The following BCAR3 variants were observed in gnomAD, a reference collection of about 807,000 sequenced individuals.
The protein encoded by BCAR3 is breast cancer anti-estrogen resistance protein 3.
A neutral mutation model predicts 80.1 loss-of-function variants in BCAR3; 37 were observed. That is an observed-to-expected ratio of 0.46 (90% CI 0.36 to 0.61). BCAR3 has a LOEUF of 0.61. Ranked by LOEUF, BCAR3 falls within the 20% of genes least tolerant of loss-of-function variation. The pLI is 0.00. For missense variants in BCAR3, 978 were observed against 1,068.2 expected (o/e 0.92, Z 1.18); for synonymous variants, 389 against 418.9 (o/e 0.93, Z 0.87).
intron 2 of BCAR3, among the ~76,000 whole-genome samples, chr1:93,745,579 A>G (rs1396432343): frequency 1.3e-5 from 2 of 152,200 alleles, no homozygotes; most frequent in African/African-American, 2.4e-5. Context: ...TAAACATTCC[A>G]TAGCCTCTTG....
chr1:93,711,602 G>A lies in BCAR3; in HGVS notation c.-62-5460C>T, dbSNP rs372366035. On this transcript the variant is annotated intron_variant, in intron 2 of 13. Transcript: ENST00000370244. ...AGACTCAACTTTAATGGAAGAAGCC[G>A]CAAAGGGGTGTGGATATAGGAAAAG... Among the ~76,000 whole-genome samples, 337 of 152,278 alleles carry A rather than the reference G, an allele frequency of 2.2e-3. 2 individuals carry two copies. Among genetic ancestry groups the A allele is most frequent in the African/African-American group, 7.7e-3 (318 of 41,544 alleles).
chr1:93,582,892 C>G lies in BCAR3; in HGVS notation c.1095G>C (p.Val365=). Residue 365 remains valine, a synonymous_variant, in exon 7 of 12, where the codon GTG becomes GTC. Coordinates refer to ENST00000260502, the MANE Select transcript of BCAR3 (RefSeq NM_003567.4). ...GGGCAGGCTCGCTTCCCGTCCTGAACACAGGTGAGTTTGGGCAGGGGCTTG... is the reference window on the plus strand; with the variant it reads ...GGGCAGGCTCGCTTCCCGTCCTGAAGACAGGTGAGTTTGGGCAGGGGCTTG... The part of the protein sequence containing the change: ...VDTSPCPNSP[V]FRTGSEPALS... 6.2e-7 allele frequency: 1 copy of G among 1,608,732 alleles called. No homozygotes were observed. The highest frequency in any genetic ancestry group is 2.2e-5 in the East Asian group (1 of 44,864).
At chr1:93,684,726 T>TTTTGCTTTTTG (rs1220659435), upstream of BCAR3, among the ~76,000 whole-genome samples, 1 of 150,406 alleles carries the variant, frequency 6.6e-6, no homozygotes, top group African/African-American at 2.4e-5. Context: ...ATCAGGTGTT[T>TTTTGCTTTTTG]TTTGTTTTTT....
At chr1:93,806,046 T>TA (rs1188940080) in intron 2 of BCAR3, among the ~76,000 whole-genome samples, 1 of 152,010 alleles carries the variant, frequency 6.6e-6, no homozygotes, top group Non-Finnish European at 1.5e-5. Context: ...AAATATGATT[T>TA]AAAAAAAGAT....
At chr1:93,596,379 T>C (rs1674420343) in intron 3 of BCAR3, among the ~76,000 whole-genome samples, 1 of 152,220 alleles carries the variant, frequency 6.6e-6, no homozygotes, top group Admixed American at 6.5e-5. Context: ...CCCATAGCCT[T>C]TTCTCCTAGC....
intron 3 of BCAR3, among the ~76,000 whole-genome samples, chr1:93,633,325 T>C (rs866349070): frequency 6.6e-5 from 10 of 152,306 alleles, no homozygotes; most frequent in Non-Finnish European, 1.2e-4. Context: ...CCCTAATAAC[T>C]GGGTCTTAAT....
At chr1:93,847,995 C>T (rs1655294997), upstream of BCAR3, 1 of 180,538 alleles carries the variant, frequency 5.5e-6, no homozygotes, top group Non-Finnish European at 1.2e-5. Context: ...GCCCGGGTCT[C>T]GGGTGACACC....
At chr1:93,766,047 T>C (rs1221224382) in intron 2 of BCAR3, among the ~76,000 whole-genome samples, 1 of 152,172 alleles carries the variant, frequency 6.6e-6, no homozygotes, top group Admixed American at 6.5e-5. Context: ...ATTTGTCTTG[T>C]GTAACGGAAA....
intron 7 of BCAR3, among the ~76,000 whole-genome samples, chr1:93,581,862 C>T (rs1386385801): frequency 2.0e-5 from 3 of 152,240 alleles, no homozygotes; most frequent in African/African-American, 7.2e-5. Context: ...CCAGAAACTA[C>T]ATTTTCATCT....
intron 2 of BCAR3, among the ~76,000 whole-genome samples, chr1:93,802,078 G>A (rs1380228322): frequency 2.0e-5 from 3 of 151,810 alleles, no homozygotes; most frequent in Non-Finnish European, 4.4e-5. Flanking sequence ...GCAGTGAGCT[G>A]GGATTGTGCC....
intron 2 of BCAR3, among the ~76,000 whole-genome samples, chr1:93,764,796 T>C (rs1476720012): frequency 6.6e-6 from 1 of 152,192 alleles, no homozygotes; most frequent in Non-Finnish European, 1.5e-5. Context: ...TTTTGGTATC[T>C]AGCTCTCCTT....
At chr1:93,589,822 T>C (rs1408658011) in intron 4 of BCAR3, among the ~76,000 whole-genome samples, 1 of 152,152 alleles carries the variant, frequency 6.6e-6, no homozygotes. Context: ...ATGAGGGCTG[T>C]CCAGTAAAAT....
chr1:93,686,820 A>G (rs1047303859), upstream of BCAR3, among the ~76,000 whole-genome samples: 3 of 152,202 alleles, frequency 2.0e-5, no homozygotes, highest in Admixed American at 6.5e-5. Flanking sequence ...CTTGTCCATG[A>G]CCACTCTTGC....
chr1:93,603,455 A>G (rs1674684328), intron 3 of BCAR3, among the ~76,000 whole-genome samples: 1 of 152,214 alleles, frequency 6.6e-6, no homozygotes, highest in African/African-American at 2.4e-5. Context: ...AGGGTCCCTG[A>G]GTGTGTCCCT....
chr1:93,627,091 A>G (rs968233782), intron 3 of BCAR3, among the ~76,000 whole-genome samples: 5 of 152,250 alleles, frequency 3.3e-5, no homozygotes, highest in Non-Finnish European at 7.3e-5. Context: ...TGTATTCACC[A>G]CATGAGTTTG....
At chr1:93,827,343 C>G (rs1388711049) in intron 2 of BCAR3, among the ~76,000 whole-genome samples, 1 of 152,090 alleles carries the variant, frequency 6.6e-6, no homozygotes, top group Non-Finnish European at 1.5e-5. Context: ...TTTAGCAAAA[C>G]AGGAGTGTCA....
chr1:93,731,407 G>A (rs1375637250), intron 2 of BCAR3, among the ~76,000 whole-genome samples: 1 of 152,166 alleles, frequency 6.6e-6, no homozygotes, highest in African/African-American at 2.4e-5. Context: ...CAACTTTTCT[G>A]TTTATCTAAA....
chr1:93,732,571 C>G (rs1420385683), intron 2 of BCAR3, among the ~76,000 whole-genome samples: 1 of 151,862 alleles, frequency 6.6e-6, no homozygotes, highest in African/African-American at 2.4e-5. Context: ...GAGCTGAGAT[C>G]ACACCACTGA....
intron 3 of BCAR3, among the ~76,000 whole-genome samples, chr1:93,620,968 C>T (rs1365419856): frequency 6.6e-6 from 1 of 152,222 alleles, no homozygotes; most frequent in African/African-American, 2.4e-5. Context: ...TAAAGCCACA[C>T]ATCCCTATCT....
Sources: allele counts gnomAD v4.1 joint callset (sites outside exome capture counted in the v4.1 genomes callset), GRCh38; gene constraint gnomAD v4.1.1; transcripts MANE v1.5; gene names NCBI Gene and HGNC (gene_info 2026-07-23, HGNC 2026-07-21).